The following ZBTB40 variants were observed in gnomAD, a reference collection of about 807,000 sequenced individuals.
ZBTB40 encodes the protein zinc finger and BTB domain-containing protein 40.
In ZBTB40, 60 loss-of-function variants were observed where a neutral mutation model predicts 117.5. The ratio of observed to expected loss-of-function variants is 0.51; its 90% CI spans 0.41 to 0.63. The LOEUF is 0.63. Among genes scored for constraint, ZBTB40 ranks in the 30% least tolerant of loss-of-function variants. The pLI is 0.00. For synonymous variants in ZBTB40, 525 were observed against 577.1 expected, an observed-to-expected ratio of 0.91 and a Z score of 1.29; for missense variants, 1,287 against 1,498.5, an observed-to-expected ratio of 0.86 and a Z score of 2.33.
chr1:22,503,842 T>G (rs1299940766), intron 5 of ZBTB40, among the ~76,000 whole-genome samples: 1 of 152,250 alleles, frequency 6.6e-6, no homozygotes, highest in Admixed American at 6.5e-5. Flanking sequence ...CTTTAGTGAT[T>G]TCATTCGATT....
Position 22,440,663 on chromosome 1 carries a change from TGA to T in ZBTB40, c.-70+11651_-70+11652del, listed in dbSNP as rs568835456. Among the ~76,000 whole-genome samples the T allele has an allele frequency of 2.7e-3, 399 of 146,028 alleles. 2 individuals are homozygous for T. Among genetic ancestry groups the T allele is most frequent in the African/African-American group, 0.01 (394 of 38,456 alleles). ...GTAGTTCCTTTCATTCCTAGCTTGTTGAGTGTTTTTTTTTTAATCATGAAAGG... is the reference window on the plus strand; with the variant it reads ...GTAGTTCCTTTCATTCCTAGCTTGTTGTGTTTTTTTTTTAATCATGAAAGG... On this transcript the variant is annotated intron_variant, in intron 1 of 8. Coordinates refer to the ZBTB40 transcript ENST00000650433.
intron 17 of ZBTB40, among the ~76,000 whole-genome samples, chr1:22,525,006 C>T (rs1639638708): frequency 1.3e-5 from 2 of 152,206 alleles, no homozygotes; most frequent in Admixed American, 1.3e-4. Flanking sequence ...TCAGGTCCAT[C>T]CATCGTCAGT....
chr1:22,521,038 C>T (rs1456391917), intron 14 of ZBTB40, among the ~76,000 whole-genome samples: 1 of 152,260 alleles, frequency 6.6e-6, no homozygotes, highest in Non-Finnish European at 1.5e-5. Context: ...GTGTGCACTC[C>T]TCCAGCAGCT....
At chr1:22,450,888 G>C (rs547496501), upstream of ZBTB40, among the ~76,000 whole-genome samples, 138 of 152,320 alleles carry the variant, frequency 9.1e-4, 1 homozygote, top group African/African-American at 3.2e-3. Context: ...AAGATGGCTG[G>C]ATTTGGGCAC....
chr1:22,463,252 C>T (rs530117457), intron 1 of ZBTB40, among the ~76,000 whole-genome samples: 88 of 152,250 alleles, frequency 5.8e-4, no homozygotes, highest in Non-Finnish European at 1.0e-3. Flanking sequence ...AGCACATAGC[C>T]GCTGGCATCA....
chr1:22,461,329 GTTTTT>G (rs5773006), intron 1 of ZBTB40, among the ~76,000 whole-genome samples: 1 of 140,576 alleles, frequency 7.1e-6, no homozygotes, highest in African/African-American at 2.7e-5. Flanking sequence ...GAGTTCCGTT[GTTTTT>G]TTTTTTTTTT....
chr1:22,498,302 G>A (rs1480564716), intron 3 of ZBTB40, among the ~76,000 whole-genome samples: 4 of 152,196 alleles, frequency 2.6e-5, no homozygotes, highest in South Asian at 4.1e-4. Context: ...TTACATGATA[G>A]TAATTGATGA....
At chr1:22,444,136 G>A (rs1022593743) in intron 1 of ZBTB40, among the ~76,000 whole-genome samples, 3 of 152,166 alleles carry the variant, frequency 2.0e-5, no homozygotes, top group African/African-American at 7.2e-5. Flanking sequence ...TTGGTCGCTG[G>A]GTGCGGTGGC....
intron 1 of ZBTB40, among the ~76,000 whole-genome samples, chr1:22,438,641 C>T (rs1640699012): frequency 6.6e-6 from 1 of 152,176 alleles, no homozygotes; most frequent in Non-Finnish European, 1.5e-5. Context: ...ACCAACAGTG[C>T]ACAAGGATTC....
chr1:22,490,825 T>C (rs1638609214), intron 2 of ZBTB40, among the ~76,000 whole-genome samples, 180 bp downstream of exon 2: 1 of 152,194 alleles, frequency 6.6e-6, no homozygotes, highest in African/African-American at 2.4e-5. Context: ...AGTCCAAACA[T>C]GAACTACAGA....
At chr1:22,441,437 T>G (rs1325824159) in intron 1 of ZBTB40, among the ~76,000 whole-genome samples, 1 of 151,700 alleles carries the variant, frequency 6.6e-6, no homozygotes, top group East Asian at 1.9e-4. Flanking sequence ...CTGTTCTCTC[T>G]TGTTTCTCTC....
Position 22,506,237 on chromosome 1 carries a change from C to T in ZBTB40, c.1356C>T (p.Thr452=), listed in dbSNP as rs758673563. 2 of 1,613,964 alleles carry T rather than the reference C, an allele frequency of 1.2e-6. No individual in the cohort carries two copies. The highest frequency in any genetic ancestry group is 1.1e-5 in the South Asian group (1 of 91,088). ...KLQKSATLPS[T]TVQPSPDDYG... ...AGAAATCAGCCACTTTGCCAAGCAC[C>T]ACAGGTATTAGTAAATTGTTGACTC... The change falls in exon 6 of 18, where the codon ACC becomes ACT. Residue 452 remains threonine (T), a synonymous_variant. Transcript: ENST00000375647.
At chr1:22,440,149 G>A (rs1640714590) in intron 1 of ZBTB40, among the ~76,000 whole-genome samples, 1 of 152,064 alleles carries the variant, frequency 6.6e-6, no homozygotes, top group Non-Finnish European at 1.5e-5. Flanking sequence ...AAATACAACT[G>A]ATTTTTGTGT....
intron 1 of ZBTB40, among the ~76,000 whole-genome samples, chr1:22,474,230 G>A (rs1450914135): frequency 1.3e-5 from 2 of 152,276 alleles, no homozygotes; most frequent in African/African-American, 4.8e-5. Context: ...GAGTGGAACC[G>A]AAGCACACTA....
intron 10 of ZBTB40, 21 bp from the exon 11 acceptor site, chr1:22,511,655 C>T (rs1031423296): frequency 8.1e-6 from 13 of 1,609,846 alleles, no homozygotes; most frequent in East Asian, 2.2e-5. Context: ...CGCAGAGCCA[C>T]GAGATGTCTC....
intron 1 of ZBTB40, among the ~76,000 whole-genome samples, chr1:22,431,323 T>TTG (rs1553128031): frequency 7.9e-4 from 67 of 84,728 alleles, no homozygotes; most frequent in African/African-American, 7.7e-3. Context: ...TATATTTATA[T>TTG]TGTATATATA....
chr1:22,522,776 T>A (rs983349951), intron 16 of ZBTB40, among the ~76,000 whole-genome samples: 2 of 151,658 alleles, frequency 1.3e-5, no homozygotes, highest in South Asian at 2.1e-4. Flanking sequence ...TTTATTTTTT[T>A]TTTTTTTGAG....
intron 4 of ZBTB40, among the ~76,000 whole-genome samples, chr1:22,502,087 G>T (rs143483103): frequency 4.6e-5 from 7 of 152,316 alleles, no homozygotes; most frequent in African/African-American, 1.7e-4. Context: ...GCAGCTTTGT[G>T]TTTCGACAGA....
rs148249488 is a variant in ZBTB40, at chr1:22,439,881, G to A, written c.-70+10867G>A. 3.8e-4 allele frequency among the ~76,000 whole-genome samples: 58 copies of A among 152,198 alleles called. No individual in the cohort carries two copies. In the East Asian group the frequency reaches 0.011, roughly 28 times the overall value. The stretch of plus-strand genomic sequence containing the variant: ...TTCTATTCTTGCAAAAAATGTCATT[G>A]GTGTTTTGTATTGAATCCATAGATA... On this transcript the variant is annotated intron_variant, in intron 1 of 8. Coordinates refer to the ZBTB40 transcript ENST00000650433.
Sources: allele counts gnomAD v4.1 joint callset (sites outside exome capture counted in the v4.1 genomes callset), GRCh38; gene constraint gnomAD v4.1.1; transcripts MANE v1.5; gene names NCBI Gene and HGNC (gene_info 2026-07-23, HGNC 2026-07-21).